The following ETV1 variants were observed in gnomAD, a reference collection of about 807,000 sequenced individuals.
ETV1 encodes the protein ETS variant transcription factor 1.
A neutral mutation model predicts 62.3 loss-of-function variants in ETV1; 27 were observed. The ratio of observed to expected loss-of-function variants is 0.43; its 90% CI spans 0.32 to 0.60. The LOEUF (loss-of-function observed/expected upper bound fraction) is 0.60. Ranked by LOEUF, ETV1 falls within the 20% of genes least tolerant of loss-of-function variation. The pLI, the probability that ETV1 is intolerant of heterozygous loss-of-function variation, is 0.06. For missense variants in ETV1, 605 were observed against 605.8 expected (o/e 1.00, Z 0.01); for synonymous variants, 222 against 199.6 (o/e 1.11, Z -0.94).
intron 6 of ETV1, among the ~76,000 whole-genome samples, chr7:13,976,427 A>G (rs966559030): frequency 2.6e-5 from 4 of 152,208 alleles, no homozygotes; most frequent in Non-Finnish European, 5.9e-5. Context: ...GAAACATGTA[A>G]CATGTTAGAG....
chr7:13,906,571 A>G lies in ETV1; in HGVS notation c.969T>C (p.Tyr323=), dbSNP rs1315376720. The change falls in exon 12 of 14, where the codon TAT becomes TAC. Residue 323 remains tyrosine, a synonymous_variant. Coordinates refer to ENST00000430479, the MANE Select transcript of ETV1 (RefSeq NM_004956.5). The part of the protein sequence containing the change: ...DGDIKQEPGM[Y]REGPTYQRRG... The stretch of plus-strand genomic sequence containing the variant: ...GCCGTTGGTATGTGGGTCCTTCCCG[A>G]TACATTCCTGGCTCTTGTTTGATGT... 5 of 1,611,004 alleles carry G rather than the reference A, an allele frequency of 3.1e-6. No homozygotes were observed. Among genetic ancestry groups the G allele is most frequent in the South Asian group, 1.1e-5 (1 of 90,264 alleles).
At chr7:13,981,953 T>C (rs1220233121) in intron 5 of ETV1, among the ~76,000 whole-genome samples, 1 of 152,144 alleles carries the variant, frequency 6.6e-6, no homozygotes, top group Non-Finnish European at 1.5e-5. Flanking sequence ...TTATACCACA[T>C]CCACTTTTAA....
At chr7:13,912,982 G>T (rs1783711498) in intron 9 of ETV1, among the ~76,000 whole-genome samples, 1 of 152,132 alleles carries the variant, frequency 6.6e-6, no homozygotes, top group African/African-American at 2.4e-5. Flanking sequence ...GTAATGACTT[G>T]CCCAGAAAAA....
chr7:13,945,339 G>A (rs770113365), intron 6 of ETV1, among the ~76,000 whole-genome samples: 3 of 152,030 alleles, frequency 2.0e-5, no homozygotes, highest in Non-Finnish European at 4.4e-5. Flanking sequence ...CAACGCTCAA[G>A]GATTCTTACA....
intron 6 of ETV1, among the ~76,000 whole-genome samples, chr7:13,952,303 C>T (rs150431872): frequency 6.6e-6 from 1 of 152,184 alleles, no homozygotes; most frequent in East Asian, 1.9e-4. Flanking sequence ...GTAATGCCTG[C>T]GTGTAAGTGC....
rs1429602844 is a variant in ETV1, at chr7:13,894,632, T to C, written c.*1234A>G. The C allele has an allele frequency of 4.3e-6, 1 of 232,672 alleles. No homozygotes were observed. Among genetic ancestry groups the C allele is most frequent in the Non-Finnish European group, 8.5e-6 (1 of 117,508 alleles). 14.4% of individuals were successfully genotyped at this position (232,672 alleles called of 1,614,324 possible). A position where few individuals can be genotyped will look rare whatever the true frequency, so the allele number is the denominator to read the frequency against. Reference sequence around the variant, plus strand: ...ATAGCATAGCATGGCGTAAGCTATTTTTTAAGCAATAAATGGTTTGAGTCA... The same window carrying C: ...ATAGCATAGCATGGCGTAAGCTATTCTTTAAGCAATAAATGGTTTGAGTCA... On this transcript the variant is annotated 3_prime_UTR_variant, in exon 14 of 14. Coordinates refer to ENST00000430479, the MANE Select transcript of ETV1 (RefSeq NM_004956.5).
chr7:13,989,082 T>A lies in ETV1; in HGVS notation c.-30A>T. The A allele has an allele frequency of 6.3e-7, 1 of 1,579,102 alleles. No individual in the cohort carries two copies. Among genetic ancestry groups the A allele is most frequent in the Non-Finnish European group, 8.6e-7 (1 of 1,159,072 alleles). ...CTGCTCTTCGCAAATCTCAGCTCAGTATTTTATATTTTGAGCATTTAGCTG... is the reference window on the plus strand; with the variant it reads ...CTGCTCTTCGCAAATCTCAGCTCAGAATTTTATATTTTGAGCATTTAGCTG... On this transcript the variant is annotated 5_prime_UTR_variant, in exon 3 of 14. Transcript: ENST00000430479.
At chr7:13,908,409 A>G (rs1783198647) in intron 11 of ETV1, among the ~76,000 whole-genome samples, 1 of 152,116 alleles carries the variant, frequency 6.6e-6, no homozygotes. Context: ...CACGAAAGAA[A>G]CTAATGAAGG....
chr7:13,957,948 C>T (rs12699568), intron 6 of ETV1, among the ~76,000 whole-genome samples: 3,386 of 152,236 alleles, frequency 0.022, 55 homozygotes, highest in Non-Finnish European at 0.038. Flanking sequence ...CCTCCTCACC[C>T]CTTTGAAGTA....
At position 13,984,589 on chromosome 7, in the gene ETV1, G is replaced by A. The variant is rs566721831; in HGVS notation, c.181+2049C>T. Among the ~76,000 whole-genome samples, 49 of 152,032 alleles carry A rather than the reference G, an allele frequency of 3.2e-4. No individual in the cohort carries two copies. The South Asian group carries it at 9.8e-3, about 30-fold the overall frequency. On this transcript the variant is annotated intron_variant, in intron 5 of 13. Coordinates refer to ENST00000430479, the MANE Select transcript of ETV1 (RefSeq NM_004956.5). The stretch of plus-strand genomic sequence containing the variant: ...TTACATCGTGATTAGATAAATTAAC[G>A]TAAACTGTTTTGAAAACGCTTAAAT...
At chr7:13,989,187 G>A in intron 2 of ETV1, 48 bp from the exon 3 acceptor site, 4 of 706,522 alleles carry the variant, frequency 5.7e-6, no homozygotes, top group African/African-American at 1.8e-5. Context: ...AATCATGAAT[G>A]AAGCTCTTGA....
chr7:13,945,119 C>G (rs1193890766), intron 6 of ETV1, among the ~76,000 whole-genome samples: 1 of 152,088 alleles, frequency 6.6e-6, no homozygotes, highest in South Asian at 2.1e-4. Context: ...TACAGCAGCT[C>G]GAGAAAATTA....
At chr7:13,941,116 T>A (rs1314486293) in intron 6 of ETV1, among the ~76,000 whole-genome samples, 1 of 152,208 alleles carries the variant, frequency 6.6e-6, no homozygotes, top group Admixed American at 6.5e-5. Context: ...AATACTCATG[T>A]GCATTAACTT....
chr7:13,980,695 G>T lies in ETV1; in HGVS notation c.182-3215C>A, dbSNP rs77875631. 3.6e-3 allele frequency among the ~76,000 whole-genome samples: 549 copies of T among 152,206 alleles called. 2 individuals carry two copies. Among genetic ancestry groups the T allele is most frequent in the African/African-American group, 0.012 (504 of 41,542 alleles). On this transcript the variant is annotated intron_variant, in intron 5 of 13. Coordinates refer to ENST00000430479, the MANE Select transcript of ETV1 (RefSeq NM_004956.5). ...TTCATTGCACGTTAATAGACCAGTT[G>T]CCATCAAGTCTCAGGATGTCGGCTT...
intron 5 of ETV1, chr7:13,986,381 C>T: frequency 6.7e-7 from 1 of 1,485,728 alleles, no homozygotes; most frequent in Non-Finnish European, 8.9e-7. Context: ...AGTCTTGGTG[C>T]ATTAGTTCTT....
At chr7:13,970,323 CACAA>C (rs1274998395) in intron 6 of ETV1, among the ~76,000 whole-genome samples, 14 of 121,692 alleles carry the variant, frequency 1.2e-4, no homozygotes, top group Middle Eastern at 4.3e-3. Flanking sequence ...CACACACACA[CACAA>C]AGCAGCAACT....
Position 13,989,047 on chromosome 7 carries a change from A to G in ETV1, c.6T>C (p.Asp2=). 6.2e-7 allele frequency: 1 copy of G among 1,604,132 alleles called. No homozygotes were observed. Among genetic ancestry groups the G allele is most frequent in the Non-Finnish European group, 8.5e-7 (1 of 1,175,064 alleles). ...AAGGCACTTGCTGGTCATAAAATCC[A>G]TCCATGCTGCTGCTCTTCGCAAATC... The part of the protein sequence containing the change: M[D]GFYDQQVPYM... Residue 2 remains aspartate, a synonymous_variant, in exon 3 of 14, where the codon GAT becomes GAC. Transcript: ENST00000430479.
chr7:13,904,232 C>T (rs1490695407), intron 12 of ETV1, among the ~76,000 whole-genome samples: 1 of 152,178 alleles, frequency 6.6e-6, no homozygotes, highest in African/African-American at 2.4e-5. Flanking sequence ...GAACAAAAGC[C>T]TTAGGAGACA....
At chr7:13,898,253 AT>A (rs1383719284) in intron 13 of ETV1, among the ~76,000 whole-genome samples, 7 of 152,268 alleles carry the variant, frequency 4.6e-5, no homozygotes, top group African/African-American at 1.4e-4. Context: ...AAAAACAGGA[AT>A]TTTTCCAGGG....
Sources: gnomAD v4.1 joint callset for allele counts (sites outside exome capture counted in the v4.1 genomes callset) on GRCh38, gnomAD v4.1.1 for gene constraint, MANE v1.5 for transcripts, NCBI Gene and HGNC (gene_info 2026-07-23, HGNC 2026-07-21) for gene names.